CSMD3: variants seen among roughly 807,000 people sequenced by gnomAD.
The protein encoded by CSMD3 is CUB and sushi domain-containing protein 3.
CSMD3 carries 177 observed loss-of-function variants against 435.2 expected under a neutral mutation model. That is an observed-to-expected ratio of 0.41 (90% CI 0.36 to 0.46). CSMD3 has a LOEUF of 0.46. Ranked by LOEUF, CSMD3 falls within the 20% of genes least tolerant of loss-of-function variation. The pLI is 0.34. For missense variants in CSMD3, 4,265 were observed against 4,504.6 expected, an observed-to-expected ratio of 0.95 and a Z score of 1.52; for synonymous variants, 1,656 against 1,520.5, an observed-to-expected ratio of 1.09 and a Z score of -2.07.
intron 4 of CSMD3, among the ~76,000 whole-genome samples, chr8:113,143,065 T>C (rs2091587965): frequency 6.6e-6 from 1 of 150,828 alleles, no homozygotes; most frequent in Admixed American, 6.6e-5. Flanking sequence ...ATACTATATA[T>C]CCAACAAAGA....
chr8:113,209,596 G>A (rs1336163074), intron 3 of CSMD3, among the ~76,000 whole-genome samples: 4 of 152,118 alleles, frequency 2.6e-5, no homozygotes, highest in Non-Finnish European at 4.4e-5. Context: ...ATTAATCTGA[G>A]CTATGAGTAA....
At chr8:112,863,091 G>T (rs231324) in intron 10 of CSMD3, among the ~76,000 whole-genome samples, 145,383 of 152,108 alleles carry the variant, frequency 0.96, 69,497 homozygotes, top group South Asian at 0.99. Flanking sequence ...AAACTTCCTG[G>T]GTGTTACTAA....
intron 1 of CSMD3, among the ~76,000 whole-genome samples, chr8:113,347,530 T>A (rs1315469544): frequency 6.6e-6 from 1 of 152,130 alleles, no homozygotes; most frequent in Non-Finnish European, 1.5e-5. Flanking sequence ...AGGCTTTTTT[T>A]CTTTCATGGT....
intron 16 of CSMD3, among the ~76,000 whole-genome samples, chr8:112,666,852 T>TTTTA (rs2075538724): frequency 6.6e-6 from 1 of 152,166 alleles, no homozygotes; most frequent in Non-Finnish European, 1.5e-5. Flanking sequence ...CAGAGTCACT[T>TTTTA]CATTGATTCA....
At chr8:112,688,649 ATTAT>A (rs1402109843) in intron 14 of CSMD3, among the ~76,000 whole-genome samples, 2 of 152,020 alleles carry the variant, frequency 1.3e-5, no homozygotes, top group Non-Finnish European at 2.9e-5. Context: ...ATATGTGAGG[ATTAT>A]TTATTTGTAT....
At chr8:112,542,716 T>A (rs541594898) in intron 27 of CSMD3, among the ~76,000 whole-genome samples, 14 of 151,800 alleles carry the variant, frequency 9.2e-5, no homozygotes, top group Middle Eastern at 3.4e-3. Context: ...GAAAAAAAAA[T>A]TTCTACTATT....
At chr8:112,515,091 T>C (rs1823533542) in intron 28 of CSMD3, among the ~76,000 whole-genome samples, 1 of 152,106 alleles carries the variant, frequency 6.6e-6, no homozygotes, top group Admixed American at 6.6e-5. Context: ...AAGCATATTC[T>C]TGTCTAAAAA....
At chr8:112,933,081 C>T (rs1416149150) in intron 9 of CSMD3, among the ~76,000 whole-genome samples, 3 of 151,888 alleles carry the variant, frequency 2.0e-5, no homozygotes, top group East Asian at 3.9e-4. Context: ...AAAATCAAAT[C>T]GTGGATTGGG....
At chr8:112,846,345 TCTCC>T (rs908794331) in intron 11 of CSMD3, among the ~76,000 whole-genome samples, 5 of 150,208 alleles carry the variant, frequency 3.3e-5, no homozygotes, top group South Asian at 4.3e-4. Flanking sequence ...TCTTTCTTTC[TCTCC>T]CTCCCTCCCT....
chr8:113,243,984 T>C (rs923378933), intron 3 of CSMD3, among the ~76,000 whole-genome samples: 1 of 152,226 alleles, frequency 6.6e-6, no homozygotes, highest in Admixed American at 6.5e-5. Context: ...GTAAGCATTC[T>C]TCATTATAGT....
At chr8:112,473,720 G>T (rs1332510199) in intron 31 of CSMD3, among the ~76,000 whole-genome samples, 1 of 113,794 alleles carries the variant, frequency 8.8e-6, no homozygotes, top group Middle Eastern at 4.4e-3. Flanking sequence ...CAGGAAGAGG[G>T]ATTTTTTTTT....
intron 12 of CSMD3, among the ~76,000 whole-genome samples, chr8:112,806,025 A>G (rs1264148458): frequency 2.0e-5 from 3 of 152,124 alleles, no homozygotes; most frequent in African/African-American, 7.2e-5. Flanking sequence ...CCAAACTGAG[A>G]TAAAATATTT....
intron 36 of CSMD3, among the ~76,000 whole-genome samples, chr8:112,384,826 C>T (rs1829793939): frequency 6.6e-6 from 1 of 152,202 alleles, no homozygotes; most frequent in African/African-American, 2.4e-5. Flanking sequence ...ATAACCGCCA[C>T]CTCCTTAAAC....
intron 5 of CSMD3, among the ~76,000 whole-genome samples, chr8:113,040,428 GTAGGGT>G (rs2087557390): frequency 6.6e-6 from 1 of 152,190 alleles, no homozygotes; most frequent in African/African-American, 2.4e-5. Context: ...GTTGAACAGA[GTAGGGT>G]TAGGGCAGGG....
chr8:112,612,959 G>T (rs1833384470), intron 22 of CSMD3, among the ~76,000 whole-genome samples: 1 of 151,270 alleles, frequency 6.6e-6, no homozygotes, highest in African/African-American at 2.4e-5. Context: ...TTGAAGGGGT[G>T]GTCTGAGATT....
intron 6 of CSMD3, among the ~76,000 whole-genome samples, chr8:113,001,999 G>A (rs1410292808): frequency 6.6e-6 from 1 of 151,988 alleles, no homozygotes; most frequent in Non-Finnish European, 1.5e-5. Context: ...ATTAAGAGTG[G>A]TCTCTTAAGG....
intron 32 of CSMD3, among the ~76,000 whole-genome samples, chr8:112,445,886 TAAAG>T (rs1815547157): frequency 6.6e-6 from 1 of 152,168 alleles, no homozygotes; most frequent in African/African-American, 2.4e-5. Context: ...AAAATGCACT[TAAAG>T]AATCAAAATT....
chr8:112,553,338 A>G (rs1220088876), intron 25 of CSMD3, among the ~76,000 whole-genome samples: 1 of 152,086 alleles, frequency 6.6e-6, no homozygotes, highest in Non-Finnish European at 1.5e-5. Flanking sequence ...GTCATGCAAT[A>G]TAATTAAAAT....
intron 13 of CSMD3, among the ~76,000 whole-genome samples, chr8:112,742,890 G>C (rs1455916405): frequency 6.6e-6 from 1 of 152,026 alleles, no homozygotes; most frequent in Admixed American, 6.6e-5. Context: ...CTTAATGGAT[G>C]TGTGGCCTGT....
Sources: gnomAD v4.1 joint callset for allele counts (sites outside exome capture counted in the v4.1 genomes callset) on GRCh38, gnomAD v4.1.1 for gene constraint, MANE v1.5 for transcripts, NCBI Gene and HGNC (gene_info 2026-07-23, HGNC 2026-07-21) for gene names.